RAB5C: variants seen among roughly 807,000 people sequenced by gnomAD.
The protein encoded by RAB5C is RAB5C, member RAS oncogene family.
In RAB5C, 4 loss-of-function variants were observed where a neutral mutation model predicts 25.2. That is an observed-to-expected ratio of 0.16 (90% CI 0.08 to 0.36). The LOEUF (loss-of-function observed/expected upper bound fraction) is 0.36. Among genes scored for constraint, RAB5C ranks in the 10% least tolerant of loss-of-function variants. The pLI, the probability that RAB5C is intolerant of heterozygous loss-of-function variation, is 1.00. For synonymous variants in RAB5C, 100 were observed against 106.4 expected (o/e 0.94, Z 0.37); for missense variants, 199 against 283.8 (o/e 0.70, Z 2.15).
chr17:42,150,303 G>A (rs1365560704), intron 1 of RAB5C, among the ~76,000 whole-genome samples: 1 of 151,494 alleles, frequency 6.6e-6, no homozygotes, highest in Non-Finnish European at 1.5e-5. Flanking sequence ...ATCAGAATCA[G>A]TGTTGAGGCT....
chr17:42,130,791 T>TGA (rs2054477664), intron 1 of RAB5C, among the ~76,000 whole-genome samples: 2 of 151,514 alleles, frequency 1.3e-5, no homozygotes, highest in Non-Finnish European at 2.9e-5. Flanking sequence ...TACCACCATC[T>TGA]GAGCTGTAAA....
chr17:42,149,947 C>T (rs913200744), intron 1 of RAB5C, among the ~76,000 whole-genome samples: 3 of 145,326 alleles, frequency 2.1e-5, no homozygotes, highest in South Asian at 2.3e-4. Context: ...GGTGCAATCT[C>T]GGCTCACTGC....
intron 1 of RAB5C, among the ~76,000 whole-genome samples, chr17:42,132,185 C>A (rs955085627): frequency 3.9e-5 from 6 of 152,182 alleles, no homozygotes; most frequent in African/African-American, 1.4e-4. Context: ...TTTTCCACAT[C>A]CAAGTTCTCC....
chr17:42,152,722 T>C (rs1005216914), intron 1 of RAB5C, among the ~76,000 whole-genome samples: 1 of 150,168 alleles, frequency 6.7e-6, no homozygotes, highest in Non-Finnish European at 1.5e-5. Flanking sequence ...GAGGCTGCAG[T>C]GAGCCAAGAT....
chr17:42,137,368 G>A, intron 1 of RAB5C, among the ~76,000 whole-genome samples: 1 of 149,628 alleles, frequency 6.7e-6, no homozygotes. Context: ...TGATTTGAGA[G>A]GTAAATACAT....
At chr17:42,147,077 AAAG>A (rs2079640950) in intron 1 of RAB5C, among the ~76,000 whole-genome samples, 1 of 148,316 alleles carries the variant, frequency 6.7e-6, no homozygotes, top group South Asian at 2.2e-4. Context: ...AAAGAAAAAG[AAAG>A]AAAGAAAGAA....
intron 5 of RAB5C, 96 bp downstream of exon 5, chr17:42,126,657 AAG>A (rs1491163704): frequency 1.3e-5 from 7 of 520,118 alleles, no homozygotes; most frequent in Non-Finnish European, 2.4e-5. Context: ...AAAAAAAAAA[AAG>A]AGTGGTGAAG....
chr17:42,138,229 C>T (rs1165487199), intron 1 of RAB5C, among the ~76,000 whole-genome samples: 1 of 152,152 alleles, frequency 6.6e-6, no homozygotes, highest in Non-Finnish European at 1.5e-5. Flanking sequence ...GGGATGGAAT[C>T]AAAGAGAAGG....
chr17:42,130,509 T>C lies in RAB5C; in HGVS notation c.-7A>G. 1.2e-6 allele frequency: 2 copies of C among 1,613,976 alleles called. No homozygotes were observed. The highest frequency in any genetic ancestry group is 2.7e-5 in the African/African-American group (2 of 75,056). The stretch of plus-strand genomic sequence containing the variant: ...CGCCTCCCCGACCCGCCATTGCCCG[T>C]CCAGCTGTAGTGGTCCAGAGAGCGT... On this transcript the variant is annotated 5_prime_UTR_variant, in exon 2 of 6. Transcript: ENST00000346213.
intron 2 of RAB5C, 49 bp from the exon 3 acceptor site, chr17:42,128,849 C>A: frequency 7.3e-7 from 1 of 1,368,432 alleles, no homozygotes; most frequent in Non-Finnish European, 9.6e-7. Flanking sequence ...TGGAATCCAC[C>A]CCACACAATC....
At chr17:42,133,894 T>C (rs924783187) in intron 1 of RAB5C, among the ~76,000 whole-genome samples, 1 of 152,190 alleles carries the variant, frequency 6.6e-6, no homozygotes, top group African/African-American at 2.4e-5. Flanking sequence ...CCCAATGAAC[T>C]GAGACAGGCT....
Position 42,145,400 on chromosome 17 carries a change from G to A in RAB5C, c.-89+9493C>T, listed in dbSNP as rs531523372. Among the ~76,000 whole-genome samples the A allele has an allele frequency of 2.0e-5, 3 of 152,214 alleles. No individual in the cohort carries two copies. In the South Asian group the frequency reaches 6.2e-4, roughly 32 times the overall value. ...CATGGTTGACATCAGTCATGGAAAG[G>A]CTTGTGGATTGTATGTACCCTTGAC... On this transcript the variant is annotated intron_variant, in intron 1 of 5. Coordinates refer to ENST00000346213, the MANE Select transcript of RAB5C (RefSeq NM_004583.4).
At chr17:42,126,352 G>A (rs1170574715) in intron 5 of RAB5C, among the ~76,000 whole-genome samples, 14 of 152,068 alleles carry the variant, frequency 9.2e-5, no homozygotes, top group Non-Finnish European at 1.5e-5. Context: ...GGTGAAGGGG[G>A]CTGGGCGCAG....
intron 1 of RAB5C, among the ~76,000 whole-genome samples, chr17:42,139,886 C>T (rs1036674054): frequency 1.3e-5 from 2 of 152,236 alleles, no homozygotes; most frequent in Admixed American, 1.3e-4. Context: ...CCTGCCAATG[C>T]CAGGCAGGAT....
At chr17:42,129,429 G>C (rs1042847492) in intron 2 of RAB5C, among the ~76,000 whole-genome samples, 13 of 152,310 alleles carry the variant, frequency 8.5e-5, no homozygotes, top group African/African-American at 3.1e-4. Flanking sequence ...CCTGTGACCT[G>C]ACCTTCAGTC....
Position 42,126,015 on chromosome 17 carries a change from T to A in RAB5C, c.536-117A>T. On this transcript the variant is annotated intron_variant, in intron 5 of 5. Transcript: ENST00000346213. ...AGTGGTAACTCACATATTGAGGGCT[T>A]CTGTGTGTCAGGTGCATTCTGATTG... The A allele has an allele frequency of 8.4e-6, 6 of 715,248 alleles. No individual in the cohort carries two copies. The South Asian group carries it at 1.1e-4, about 13-fold the overall frequency. The allele number at this position is 715,248 out of a possible 1,614,324, so 44.3% of individuals were successfully genotyped here.
intron 1 of RAB5C, among the ~76,000 whole-genome samples, chr17:42,142,787 A>G (rs1017959817): frequency 6.6e-6 from 1 of 152,196 alleles, no homozygotes; most frequent in Non-Finnish European, 1.5e-5. Flanking sequence ...ATGATTCAGG[A>G]TCACGGCACA....
chr17:42,128,252 T>C lies in RAB5C; in HGVS notation c.441+9A>G. Reference sequence around the variant, plus strand: ...TCCACTCCTTCCCCCAAGTCTGTCATCTCCCCACCTGGAATTCCACGGCTC... The same window carrying C: ...TCCACTCCTTCCCCCAAGTCTGTCACCTCCCCACCTGGAATTCCACGGCTC... On this transcript the variant is annotated intron_variant, in intron 4 of 5. Coordinates refer to ENST00000346213, the MANE Select transcript of RAB5C (RefSeq NM_004583.4). 6.2e-7 allele frequency: 1 copy of C among 1,612,182 alleles called. No individual in the cohort carries two copies. The highest frequency in any genetic ancestry group is 8.5e-7 in the Non-Finnish European group (1 of 1,178,952).
intron 4 of RAB5C, among the ~76,000 whole-genome samples, chr17:42,127,232 T>C (rs974702423): frequency 6.6e-6 from 1 of 152,212 alleles, no homozygotes; most frequent in African/African-American, 2.4e-5. Flanking sequence ...TATTAGGGAT[T>C]GGTAAAAAAT....
Sources: gnomAD v4.1 joint callset for allele counts (sites outside exome capture counted in the v4.1 genomes callset) on GRCh38, gnomAD v4.1.1 for gene constraint, MANE v1.5 for transcripts, NCBI Gene and HGNC (gene_info 2026-07-23, HGNC 2026-07-21) for gene names.